The following LRMDA variants were observed in gnomAD, a reference collection of about 807,000 sequenced individuals.
LRMDA encodes leucine-rich melanocyte differentiation-associated protein.
In LRMDA, 18 loss-of-function variants were observed where a neutral mutation model predicts 29.8. That is an observed-to-expected ratio of 0.60 (90% CI 0.42 to 0.90). The LOEUF is 0.90. Among genes scored for constraint, LRMDA ranks in the 40% least tolerant of loss-of-function variants. The pLI is 0.00. For synonymous variants in LRMDA, 125 were observed against 109.4 expected (o/e 1.14, Z -0.89); for missense variants, 273 against 273.9 (o/e 1.00, Z 0.02).
intron 6 of LRMDA, among the ~76,000 whole-genome samples, chr10:76,436,308 A>G: frequency 6.6e-6 from 1 of 152,216 alleles, no homozygotes; most frequent in Admixed American, 6.5e-5. Flanking sequence ...AAGTGTGTGA[A>G]GAAAAGACTC....
chr10:75,705,198 T>C (rs958509691), intron 2 of LRMDA, among the ~76,000 whole-genome samples: 2 of 152,190 alleles, frequency 1.3e-5, no homozygotes, highest in African/African-American at 4.8e-5. Flanking sequence ...TGTCTTCTGG[T>C]AACAAAACCC....
chr10:75,862,465 A>T (rs1477828519), intron 2 of LRMDA, among the ~76,000 whole-genome samples: 4 of 152,168 alleles, frequency 2.6e-5, no homozygotes, highest in African/African-American at 7.2e-5. Context: ...AGAAGAGGCC[A>T]TGAGGGGAGG....
intron 6 of LRMDA, among the ~76,000 whole-genome samples, chr10:76,377,237 G>A (rs1462780915): frequency 6.6e-6 from 1 of 151,834 alleles, no homozygotes; most frequent in Admixed American, 6.6e-5. Context: ...CCTTTTAATG[G>A]GGTTATTTAT....
intron 2 of LRMDA, among the ~76,000 whole-genome samples, chr10:75,772,569 A>G (rs1295141479): frequency 6.6e-6 from 1 of 152,152 alleles, no homozygotes; most frequent in Non-Finnish European, 1.5e-5. Flanking sequence ...TTGAGTGGGA[A>G]CCGGTCAATT....
intron 2 of LRMDA, among the ~76,000 whole-genome samples, chr10:75,911,190 C>T (rs1437598028): frequency 6.6e-6 from 1 of 152,080 alleles, no homozygotes; most frequent in Non-Finnish European, 1.5e-5. Flanking sequence ...CTTGTCCCTC[C>T]CTTTCCTGGT....
chr10:75,958,394 T>G (rs558399418), intron 2 of LRMDA, among the ~76,000 whole-genome samples: 1 of 152,340 alleles, frequency 6.6e-6, no homozygotes, highest in African/African-American at 2.4e-5. Flanking sequence ...TTAGAAACAT[T>G]ATAAAATGTG....
At chr10:76,427,031 G>T (rs1842134518) in intron 6 of LRMDA, among the ~76,000 whole-genome samples, 1 of 152,186 alleles carries the variant, frequency 6.6e-6, no homozygotes, top group Non-Finnish European at 1.5e-5. Flanking sequence ...TTGAAGTCAG[G>T]TAGCCTGATG....
intron 2 of LRMDA, among the ~76,000 whole-genome samples, chr10:75,617,546 C>T (rs566580407): frequency 6.6e-5 from 10 of 152,304 alleles, no homozygotes; most frequent in East Asian, 5.8e-4. Flanking sequence ...TGGCTCCCAC[C>T]GACTAGTAGA....
At chr10:76,087,298 TG>T (rs1849153085) in intron 5 of LRMDA, among the ~76,000 whole-genome samples, 1 of 152,334 alleles carries the variant, frequency 6.6e-6, no homozygotes, top group Admixed American at 6.5e-5. Flanking sequence ...CCAAGGCTTT[TG>T]ACCAGGTTTT....
intron 2 of LRMDA, among the ~76,000 whole-genome samples, chr10:75,702,474 C>T (rs1427828983): frequency 3.3e-5 from 5 of 152,116 alleles, no homozygotes; most frequent in African/African-American, 4.8e-5. Context: ...GACCTAGATG[C>T]GGGTATTGGG....
At chr10:75,686,751 C>T (rs950580095) in intron 2 of LRMDA, among the ~76,000 whole-genome samples, 1 of 152,176 alleles carries the variant, frequency 6.6e-6, no homozygotes, top group African/African-American at 2.4e-5. Context: ...TGTTTTATTG[C>T]ACTTTGCAGA....
chr10:76,305,585 T>C (rs1564717697), intron 5 of LRMDA, among the ~76,000 whole-genome samples: 1 of 152,242 alleles, frequency 6.6e-6, no homozygotes, highest in East Asian at 1.9e-4. Context: ...CACAGGGTAG[T>C]GTTTCTTTAG....
intron 6 of LRMDA, among the ~76,000 whole-genome samples, chr10:76,443,608 A>G (rs931245299): frequency 6.6e-6 from 1 of 152,218 alleles, no homozygotes; most frequent in African/African-American, 2.4e-5. Flanking sequence ...TCAATACAGC[A>G]TAGTGTAGAG....
At chr10:76,263,864 G>A (rs1010453716) in intron 5 of LRMDA, among the ~76,000 whole-genome samples, 3 of 152,152 alleles carry the variant, frequency 2.0e-5, no homozygotes, top group Non-Finnish European at 4.4e-5. Context: ...GATGTCTTCT[G>A]CTACAGGTTA....
intron 2 of LRMDA, among the ~76,000 whole-genome samples, chr10:75,610,113 G>T (rs950155237): frequency 6.6e-6 from 1 of 152,188 alleles, no homozygotes; most frequent in African/African-American, 2.4e-5. Context: ...AAAAAATTGT[G>T]ATAGGATACA....
intron 6 of LRMDA, among the ~76,000 whole-genome samples, chr10:76,506,690 T>A (rs142240647): frequency 1.3e-5 from 2 of 152,016 alleles, no homozygotes; most frequent in Admixed American, 1.3e-4. Context: ...GCATAAGTAT[T>A]TTTTAGTTCC....
chr10:75,761,912 C>G (rs1462142143), intron 2 of LRMDA, among the ~76,000 whole-genome samples: 2 of 151,864 alleles, frequency 1.3e-5, no homozygotes, highest in Non-Finnish European at 2.9e-5. Context: ...GTGATCCCCC[C>G]ACCTCAGCCT....
In LRMDA at chr10:76,373,662, G is replaced by GT. The variant is rs1024768094; in HGVS notation, c.601+49186dup. On this transcript the variant is annotated intron_variant, in intron 6 of 6. Transcript: ENST00000611255. ...GGCCCAATTGGCCAGTTCCTAGACA[G>GT]TTTTTTTTTATGTACACAGCTCATT... is the stretch of plus-strand genomic sequence containing the variant. 1.8e-3 allele frequency among the ~76,000 whole-genome samples: 267 copies of GT among 151,372 alleles called. 2 individuals carry two copies. Among genetic ancestry groups the GT allele is most frequent in the South Asian group, 8.4e-4 (4 of 4,780 alleles).
intron 2 of LRMDA, among the ~76,000 whole-genome samples, chr10:75,605,363 G>C (rs1398655806): frequency 6.6e-6 from 1 of 152,160 alleles, no homozygotes; most frequent in Non-Finnish European, 1.5e-5. Context: ...CCAGTCTTCA[G>C]TCAAGAGTCA....
Sources: allele counts gnomAD v4.1 joint callset (sites outside exome capture counted in the v4.1 genomes callset), GRCh38; gene constraint gnomAD v4.1.1; transcripts MANE v1.5; gene names NCBI Gene and HGNC (gene_info 2026-07-23, HGNC 2026-07-21).